The following MRC1 variants were observed in gnomAD, a reference collection of about 807,000 sequenced individuals.
The protein encoded by MRC1 is mannose receptor C-type 1, also known as macrophage mannose receptor 1.
Under a neutral mutation model 102.9 loss-of-function variants are expected in MRC1, and 62 were observed. The ratio of observed to expected loss-of-function variants is 0.60; its 90% confidence interval spans 0.49 to 0.74. The LOEUF (loss-of-function observed/expected upper bound fraction) is 0.74. Ranked by LOEUF, MRC1 falls within the 30% of genes least tolerant of loss-of-function variation. MRC1 has a pLI of 0.00. For synonymous variants in MRC1, 457 were observed against 298.4 expected (o/e 1.53, Z -5.48); for missense variants, 1,237 against 862.8 (o/e 1.43, Z -5.43).
chr10:17,880,755 G>C, intron 20 of MRC1, 85 bp downstream of exon 20: 1 of 764,916 alleles, frequency 1.3e-6, no homozygotes. Context: ...ACTTTTGCTA[G>C]CCTCATTACT....
Position 17,884,927 on chromosome 10 carries a change from G to C in MRC1, c.2981-342G>C, listed in dbSNP as rs943032999. Reference sequence around the variant, plus strand: ...AATCGGGACAGCTGCTAATCCATACGGTGACTTTTTATGAATTAGAAAAAG... The same window carrying C: ...AATCGGGACAGCTGCTAATCCATACCGTGACTTTTTATGAATTAGAAAAAG... On this transcript the variant is annotated intron_variant, in intron 21 of 29. Transcript: ENST00000569591. 5.1e-4 allele frequency among the ~76,000 whole-genome samples: 77 copies of C among 152,268 alleles called. 1 individual carries two copies. Among genetic ancestry groups the C allele is most frequent in the Admixed American group, 3.3e-3 (51 of 15,298 alleles).
At chr10:17,895,854 A>G (rs1456972378) in intron 23 of MRC1, among the ~76,000 whole-genome samples, 1 of 152,244 alleles carries the variant, frequency 6.6e-6, no homozygotes, top group Non-Finnish European at 1.5e-5. Flanking sequence ...CAGCAGACAT[A>G]GTGCTTCTTG....
intron 22 of MRC1, among the ~76,000 whole-genome samples, chr10:17,889,213 G>A (rs1833641295): frequency 6.6e-6 from 1 of 152,004 alleles, no homozygotes; most frequent in Non-Finnish European, 1.5e-5. Context: ...CTATTAATTT[G>A]TGTAGTTAGA....
intron 23 of MRC1, among the ~76,000 whole-genome samples, chr10:17,894,651 G>T (rs1029569816): frequency 4.0e-5 from 6 of 151,800 alleles, no homozygotes; most frequent in Middle Eastern, 3.4e-3. Flanking sequence ...TACCTGCCTC[G>T]GCCTCCCAAA....
intron 7 of MRC1, 111 bp downstream of exon 7, chr10:17,849,875 A>G (rs931545045): frequency 6.6e-5 from 41 of 620,842 alleles, no homozygotes; most frequent in Non-Finnish European, 9.1e-5. Context: ...ATGTAAATCA[A>G]TAATTCAACG....
intron 15 of MRC1, among the ~76,000 whole-genome samples, chr10:17,872,459 T>A (rs1443560378): frequency 6.6e-6 from 1 of 152,154 alleles, no homozygotes; most frequent in Admixed American, 6.5e-5. Context: ...AAATGCAACT[T>A]CTGTTTTGGA....
At chr10:17,908,260 A>C (rs1244507191) in intron 28 of MRC1, among the ~76,000 whole-genome samples, 1 of 152,150 alleles carries the variant, frequency 6.6e-6, no homozygotes, top group Non-Finnish European at 1.5e-5. Context: ...ATTACTGATT[A>C]GATAATAGAG....
At chr10:17,880,432 T>G (rs1323176735) in intron 19 of MRC1, 93 bp from the exon 20 acceptor site, 18 of 749,032 alleles carry the variant, frequency 2.4e-5, no homozygotes, top group Non-Finnish European at 3.9e-5. Flanking sequence ...AAATAAGTTT[T>G]GAGAATTCTT....
chr10:17,823,350 A>T lies in MRC1; in HGVS notation c.338A>T (p.Glu113Val). 1 of 780,802 alleles carries T rather than the reference A, an allele frequency of 1.3e-6. No homozygotes were observed. Among genetic ancestry groups the T allele is most frequent in the Non-Finnish European group, 2.4e-6 (1 of 417,942 alleles). 48.4% of individuals were successfully genotyped at this position (780,802 alleles called of 1,614,324 possible). ...KNDTLLGIKG[E>V]DLFFNYGNRQ... ...GACACACTTTTGGGGATCAAAGGAG[A>T]AGATTTATTTTTTAACTACGGCAAC... Residue 113 changes from glutamate (E) to valine (V), a missense_variant, in exon 2 of 30, where the codon GAA becomes GTA. Glu to Val is a moderately radical substitution (Grantham distance 121). Coordinates refer to ENST00000569591, the MANE Select transcript of MRC1 (RefSeq NM_002438.4).
At chr10:17,893,574 G>A (rs1285944210) in intron 22 of MRC1, among the ~76,000 whole-genome samples, 1 of 151,972 alleles carries the variant, frequency 6.6e-6, no homozygotes, top group Non-Finnish European at 1.5e-5. Context: ...CCAGGTATGA[G>A]GATTAGAATG....
rs2985837 is a variant in MRC1 at position 17,833,763 on chromosome 10, G to A, written c.726G>A (p.Gln242=). 0.36 allele frequency: 282,246 copies of A among 780,816 alleles called. 52,106 individuals carry two copies. Among genetic ancestry groups the A allele is most frequent in the African/African-American group, 0.4 (23,688 of 59,150 alleles). The allele number at this position is 780,816 out of a possible 1,614,324, so 48.4% of individuals were successfully genotyped here. The change falls in exon 4 of 30, where the codon CAG becomes CAA. Residue 242 remains glutamine (Q), a synonymous_variant. Coordinates refer to ENST00000569591, the MANE Select transcript of MRC1 (RefSeq NM_002438.4). ...INSKSALTWH[Q]ARKSCQQQNA... ...CCAAATCCGCTTTAACGTGGCACCAGGCGAGGAAAAGCTGCCAACAACAGA... is the reference window on the plus strand; with the variant it reads ...CCAAATCCGCTTTAACGTGGCACCAAGCGAGGAAAAGCTGCCAACAACAGA...
chr10:17,819,680 T>C lies in MRC1; in HGVS notation c.62-3394T>C, dbSNP rs1031435985. On this transcript the variant is annotated intron_variant, in intron 1 of 29. Coordinates refer to ENST00000569591, the MANE Select transcript of MRC1 (RefSeq NM_002438.4). Reference sequence around the variant, plus strand: ...GTCTAGAGCTGGGTGAGGTGGCCCATGCCTGTAATCTCAGCACTTTGGGAG... The same window carrying C: ...GTCTAGAGCTGGGTGAGGTGGCCCACGCCTGTAATCTCAGCACTTTGGGAG... Among the ~76,000 whole-genome samples the C allele has an allele frequency of 9.5e-4, 144 of 152,262 alleles. No homozygotes were observed. The South Asian group carries it at 0.01, about 11-fold the overall frequency.
chr10:17,909,506 T>C (rs1164478637), intron 29 of MRC1, among the ~76,000 whole-genome samples, 159 bp downstream of exon 29: 3 of 152,138 alleles, frequency 2.0e-5, no homozygotes, highest in African/African-American at 7.2e-5. Context: ...GAATAATACT[T>C]TAGAAAAAGA....
intron 1 of MRC1, among the ~76,000 whole-genome samples, chr10:17,822,544 C>T (rs954085586): frequency 7.2e-5 from 11 of 152,128 alleles, no homozygotes; most frequent in Admixed American, 2.6e-4. Flanking sequence ...TCACTTGAGC[C>T]CAGAAGTTGG....
At chr10:17,868,314 T>C (rs1833307099) in intron 12 of MRC1, among the ~76,000 whole-genome samples, 1 of 152,116 alleles carries the variant, frequency 6.6e-6, no homozygotes, top group African/African-American at 2.4e-5. Context: ...GAAATTACAA[T>C]CATGGTGGAA....
At position 17,870,336 on chromosome 10, in the gene MRC1, A is replaced by G. The variant is rs1357759960; in HGVS notation, c.2074A>G (p.Asn692Asp). Residue 692 changes from asparagine to aspartate, a missense_variant, in exon 13 of 30, where the codon AAC (asparagine) becomes GAC (aspartate). Physicochemically the swap from Asn to Asp is conservative, Grantham distance 23 (BLOSUM62 1). Coordinates refer to ENST00000569591, the MANE Select transcript of MRC1 (RefSeq NM_002438.4). Reference sequence around the variant, plus strand: ...GGGTGGAGACTTAGCTAGCATCAATAACAAAGAGGAACAGCAAACAATATG... The same window carrying G: ...GGGTGGAGACTTAGCTAGCATCAATGACAAAGAGGAACAGCAAACAATATG... ...ALGGDLASINNKEEQQTIWRL... is the reference protein window; with the variant it reads ...ALGGDLASINDKEEQQTIWRL... 1 of 780,518 alleles carries G rather than the reference A, an allele frequency of 1.3e-6. No individual in the cohort carries two copies. Among genetic ancestry groups the G allele is most frequent in the Non-Finnish European group, 2.4e-6 (1 of 417,710 alleles). 48.3% of individuals were successfully genotyped at this position (780,518 alleles called of 1,614,324 possible).
chr10:17,873,816 C>T lies in MRC1; in HGVS notation c.2377C>T (p.Pro793Ser). The change falls in exon 16 of 30, where the codon CCT becomes TCT. Residue 793 changes from proline to serine, a missense_variant. Physicochemically the swap from Pro to Ser is moderately conservative, Grantham distance 74 (BLOSUM62 -1). Coordinates refer to ENST00000569591, the MANE Select transcript of MRC1 (RefSeq NM_002438.4). ...ACCAAAACCTGAGCCAACACCAGCT[C>T]CTCAAGACAGTAGGTGTTTTCTTAT... ...QTPKPEPTPA[P>S]QDNPPVTEDG... 2.3e-6 allele frequency: 2 copies of T among 872,614 alleles called. No homozygotes were observed. The highest frequency in any genetic ancestry group is 4.0e-6 in the Non-Finnish European group (2 of 501,408). The allele number at this position is 872,614 out of a possible 1,614,324, so 54.1% of individuals were successfully genotyped here.
chr10:17,823,470 A>G lies in MRC1; in HGVS notation c.458A>G (p.Tyr153Cys). The G allele has an allele frequency of 1.3e-6, 1 of 780,888 alleles. No homozygotes were observed. The highest frequency in any genetic ancestry group is 2.4e-5 in the East Asian group (1 of 41,254). The allele number at this position is 780,888 out of a possible 1,614,324, so 48.4% of individuals were successfully genotyped here. A position where few individuals can be genotyped will look rare whatever the true frequency, so the allele number is the denominator to read the frequency against. ...GTTDNLCSRG[Y>C]EAMYTLLGNA... ...ACAGACAATCTGTGCTCCAGAGGTT[A>G]TGAAGGTAAGATGCCTGGAATTTTC... The change falls in exon 2 of 30, where the codon TAT (tyrosine) becomes TGT (cysteine). Residue 153 changes from tyrosine (Y) to cysteine (C), a missense_variant. By Grantham distance (194) the Tyr-to-Cys change is radical. Transcript: ENST00000569591.
intron 9 of MRC1, among the ~76,000 whole-genome samples, chr10:17,860,280 T>C (rs2130659081): frequency 6.6e-6 from 1 of 151,836 alleles, no homozygotes; most frequent in South Asian, 2.1e-4. Flanking sequence ...TTCTGTTTTT[T>C]TTTTTTTCTG....
Sources: allele counts gnomAD v4.1 joint callset (sites outside exome capture counted in the v4.1 genomes callset), GRCh38; gene constraint gnomAD v4.1.1; transcripts MANE v1.5; gene names NCBI Gene and HGNC (gene_info 2026-07-23, HGNC 2026-07-21).